The following NDUFA10 variants were observed in gnomAD, a reference collection of about 807,000 sequenced individuals.
NDUFA10 encodes NADH:ubiquinone oxidoreductase subunit A10, also known as NADH dehydrogenase [ubiquinone] 1 alpha subcomplex subunit 10, mitochondrial.
A neutral mutation model predicts 47.8 loss-of-function variants in NDUFA10; 40 were observed. The ratio of observed to expected loss-of-function variants is 0.84; its 90% CI spans 0.65 to 1.09. NDUFA10 has a LOEUF of 1.09. Among genes scored for constraint, NDUFA10 ranks in the 50% least tolerant of loss-of-function variants. The pLI, the probability that NDUFA10 is intolerant of heterozygous loss-of-function variation, is 0.00. For synonymous variants in NDUFA10, 183 were observed against 172.2 expected (o/e 1.06, Z -0.49); for missense variants, 413 against 451.1 (o/e 0.92, Z 0.76).
At chr2:240,003,636 C>G (rs1397084664) in intron 8 of NDUFA10, among the ~76,000 whole-genome samples, 1 of 152,368 alleles carries the variant, frequency 6.6e-6, no homozygotes, top group Non-Finnish European at 1.5e-5. Flanking sequence ...TACAACAGCA[C>G]TTCTCATTAC....
intron 4 of NDUFA10, among the ~76,000 whole-genome samples, chr2:239,929,970 C>T (rs111541239): frequency 0.025 from 3,126 of 124,490 alleles, 136 homozygotes; most frequent in Non-Finnish European, 0.036. Flanking sequence ...GCTTCTCCAC[C>T]GCCCCTGCTC....
At chr2:240,015,109 CCTCCACTGT>C (rs1697295746) in intron 4 of NDUFA10, among the ~76,000 whole-genome samples, 1 of 152,212 alleles carries the variant, frequency 6.6e-6, no homozygotes, top group Admixed American at 6.5e-5. Flanking sequence ...GGGCTTGTCG[CCTCCACTGT>C]ATTTACAAAC....
chr2:239,895,552 TTCTC>T (rs758858926), intron 4 of NDUFA10, among the ~76,000 whole-genome samples: 7 of 152,232 alleles, frequency 4.6e-5, no homozygotes, highest in South Asian at 2.1e-4. Context: ...TTTTCCTCTG[TTCTC>T]TCTAATAATT....
At chr2:239,981,763 A>G (rs999632631) in intron 9 of NDUFA10, among the ~76,000 whole-genome samples, 2 of 152,236 alleles carry the variant, frequency 1.3e-5, no homozygotes, top group African/African-American at 2.4e-5. Context: ...ACAGAAGCAC[A>G]GTGCAAGTAT....
chr2:239,968,119 T>C (rs1695156301), intron 9 of NDUFA10, among the ~76,000 whole-genome samples: 1 of 152,020 alleles, frequency 6.6e-6, no homozygotes, highest in Admixed American at 6.5e-5. Context: ...TAGAAAAACC[T>C]AGAAATGAGT....
intron 9 of NDUFA10, among the ~76,000 whole-genome samples, chr2:239,973,042 ATCT>A (rs1559337710): frequency 6.6e-6 from 1 of 152,212 alleles, no homozygotes; most frequent in Non-Finnish European, 1.5e-5. Context: ...TATGCTCATC[ATCT>A]TCTTCGAGGG....
chr2:239,966,856 T>C (rs1198676774), intron 9 of NDUFA10, among the ~76,000 whole-genome samples: 2 of 104,036 alleles, frequency 1.9e-5, no homozygotes, highest in South Asian at 2.9e-4. Context: ...TTCTTTTTTT[T>C]TTTTTTTTTT....
intron 4 of NDUFA10, among the ~76,000 whole-genome samples, chr2:239,951,983 C>G (rs933508232): frequency 6.6e-6 from 1 of 152,238 alleles, no homozygotes; most frequent in African/African-American, 2.4e-5. Flanking sequence ...CTCTTTCCCT[C>G]GGTAGGTGCT....
intron 9 of NDUFA10, among the ~76,000 whole-genome samples, chr2:239,986,184 T>C (rs1165348442): frequency 6.6e-6 from 1 of 152,198 alleles, no homozygotes; most frequent in Non-Finnish European, 1.5e-5. Flanking sequence ...CAGTGAAGTT[T>C]GGAAGCACTG....
chr2:239,946,052 C>A (rs950282446), intron 4 of NDUFA10, among the ~76,000 whole-genome samples: 1 of 152,234 alleles, frequency 6.6e-6, no homozygotes, highest in Non-Finnish European at 1.5e-5. Flanking sequence ...GCTTCCAGGG[C>A]AGACGTGTCC....
chr2:240,000,276 CG>C (rs1696650809), intron 8 of NDUFA10, among the ~76,000 whole-genome samples: 2 of 151,908 alleles, frequency 1.3e-5, no homozygotes, highest in South Asian at 4.1e-4. Context: ...GACAGCTCCA[CG>C]CGTGTTACTG....
Position 239,895,862 on chromosome 2 carries a change from G to GACAC in NDUFA10, c.295-549_295-548insGTGT, listed in dbSNP as rs574496527. Among the ~76,000 whole-genome samples the GACAC allele has an allele frequency of 1.1e-3, 175 of 152,342 alleles. 1 individual carries two copies. The highest frequency in any genetic ancestry group is 3.4e-3 in the African/African-American group (142 of 41,560). ...TGCTACTGCCTTCTTGACACTGCCT[G>GACAC]CAGCTTACTGGTGAAAATGGAAGAA... On this transcript the variant is annotated intron_variant, in intron 4 of 5. Coordinates refer to the NDUFA10 transcript ENST00000419408.
chr2:239,961,210 G>A (rs1402822856), intron 9 of NDUFA10, 24 bp from the exon 10 acceptor site: 4 of 1,614,092 alleles, frequency 2.5e-6, no homozygotes, highest in Non-Finnish European at 3.4e-6. Context: ...AGGCATTGGT[G>A]CATTCTGTTT....
At chr2:239,930,849 G>T (rs1694159471) in intron 4 of NDUFA10, among the ~76,000 whole-genome samples, 1 of 105,314 alleles carries the variant, frequency 9.5e-6, no homozygotes, top group South Asian at 3.5e-4. Context: ...CTGGTGGACG[G>T]GTACAGCATG....
intron 6 of NDUFA10, among the ~76,000 whole-genome samples, chr2:240,008,781 G>T (rs1054650675): frequency 1.3e-5 from 2 of 152,184 alleles, no homozygotes; most frequent in African/African-American, 4.8e-5. Flanking sequence ...GGGAAGACAG[G>T]GCTCCTGCCC....
At chr2:239,942,863 C>T (rs1391055958) in intron 4 of NDUFA10, among the ~76,000 whole-genome samples, 1 of 152,196 alleles carries the variant, frequency 6.6e-6, no homozygotes, top group Non-Finnish European at 1.5e-5. Context: ...GGCAAAGGCT[C>T]GTCTTCCCCT....
chr2:239,900,070 C>A (rs777003847), intron 4 of NDUFA10, among the ~76,000 whole-genome samples: 4 of 151,996 alleles, frequency 2.6e-5, no homozygotes, highest in African/African-American at 4.8e-5. Context: ...TCATCTTTCT[C>A]CCGTGGTGGA....
At chr2:239,904,595 C>T (rs1029807482) in intron 4 of NDUFA10, among the ~76,000 whole-genome samples, 6 of 152,206 alleles carry the variant, frequency 3.9e-5, no homozygotes, top group Non-Finnish European at 5.9e-5. Context: ...ATGCCCAGCC[C>T]CTGCTTTCTT....
At chr2:239,938,710 C>T (rs1483297219) in intron 4 of NDUFA10, among the ~76,000 whole-genome samples, 1 of 152,068 alleles carries the variant, frequency 6.6e-6, no homozygotes, top group Non-Finnish European at 1.5e-5. Flanking sequence ...GCAGAGGGGA[C>T]CTGTGGATCA....
Sources: gnomAD v4.1 joint callset for allele counts (sites outside exome capture counted in the v4.1 genomes callset) on GRCh38, gnomAD v4.1.1 for gene constraint, MANE v1.5 for transcripts, NCBI Gene and HGNC (gene_info 2026-07-23, HGNC 2026-07-21) for gene names.